The following HSPG2 variants were observed in gnomAD, a reference collection of about 807,000 sequenced individuals.
HSPG2 encodes basement membrane-specific heparan sulfate proteoglycan core protein.
HSPG2 carries 278 observed loss-of-function variants against 526.6 expected under a neutral mutation model. The observed-to-expected ratio is 0.53, with a 90% confidence interval of 0.48 to 0.58. The LOEUF is 0.58. Among genes scored for constraint, HSPG2 ranks in the 20% least tolerant of loss-of-function variants. HSPG2 has a pLI of 0.00. For synonymous variants in HSPG2, 2,465 were observed against 2,555.4 expected (o/e 0.96, Z 1.07); for missense variants, 5,354 against 6,099.5 (o/e 0.88, Z 4.07).
At position 21,835,533 on chromosome 1, in the gene HSPG2, C is replaced by A; in HGVS notation, c.10453+7G>T. 6.2e-7 allele frequency: 1 copy of A among 1,605,878 alleles called. No homozygotes were observed. The highest frequency in any genetic ancestry group is 8.5e-7 in the Non-Finnish European group (1 of 1,172,616). ...CTCTTAGCAGAGGCCTGAAGCCACC[C>A]TCCTACCTTGGATAACCAGCTGGGC... is the stretch of plus-strand genomic sequence containing the variant. On this transcript the variant is annotated splice_region_variant and intron_variant, in intron 76 of 96. Transcript: ENST00000374695.
At position 21,893,957 on chromosome 1, in the gene HSPG2, G is replaced by C. The variant is rs145803186; in HGVS notation, c.244+1965C>G. ...AGAGATGGTGAGCCAGAGAGAGGGAGAAGAACAGGATGAGGCAGAGGGAGG... is the reference window on the plus strand; with the variant it reads ...AGAGATGGTGAGCCAGAGAGAGGGACAAGAACAGGATGAGGCAGAGGGAGG... On this transcript the variant is annotated intron_variant, in intron 3 of 96. Coordinates refer to ENST00000374695, the MANE Select transcript of HSPG2 (RefSeq NM_005529.7). The surrounding 1 kb of genome is among the most constrained non-coding windows in gnomAD (Gnocchi z 4.3). Among the ~76,000 whole-genome samples, 592 of 151,798 alleles carry C rather than the reference G, an allele frequency of 3.9e-3. 8 individuals carry two copies. Among genetic ancestry groups the C allele is most frequent in the African/African-American group, 0.013 (543 of 41,386 alleles).
rs149203308 is a variant in HSPG2, at chr1:21,842,782, G to A, written c.8898C>T (p.Pro2966=). 5.6e-5 allele frequency: 90 copies of A among 1,613,288 alleles called. No homozygotes were observed. The East Asian group carries it at 1.0e-3, about 18-fold the overall frequency. ...CTGGCCCCTGTACCTGGTGCCGGGC[G>A]GGGAGGCTGCCCCCGCGCTTGTACC... The part of the protein sequence containing the change: ...VTWYKRGGSL[P]ARHQTHGSQL... The change falls in exon 67 of 97, where the codon CCC becomes CCT. Residue 2966 remains proline, a synonymous_variant. Transcript: ENST00000374695.
At position 21,847,544 on chromosome 1, in the gene HSPG2, GTCACCAGCTGGC is replaced by G; in HGVS notation, c.8026-64_8026-53del. 6.2e-7 allele frequency: 1 copy of G among 1,611,156 alleles called. No homozygotes were observed. Among genetic ancestry groups the G allele is most frequent in the Non-Finnish European group, 8.5e-7 (1 of 1,178,376 alleles). On this transcript the variant is annotated intron_variant, in intron 61 of 96. Transcript: ENST00000374695. This position sits in a 1 kb window ranked among gnomAD's most constrained non-coding sequence, Gnocchi z 4.1. Reference sequence around the variant, plus strand: ...GGAGAGGGAGTGGAGGGACGCTGGGGTCACCAGCTGGCTCAGGCCTTCCTGCTCAGCCTGTTG... The same window carrying G: ...GGAGAGGGAGTGGAGGGACGCTGGGGTCAGGCCTTCCTGCTCAGCCTGTTG...
chr1:21,890,260 G>T lies in HSPG2; in HGVS notation c.414-119C>A. ...TCCGGGACAGCCTGTACCCAAAGAA[G>T]GGCAACTAAAGGTCCCAATGATCCC... On this transcript the variant is annotated intron_variant, in intron 5 of 96. Transcript: ENST00000374695. This position sits in a 1 kb window ranked among gnomAD's most constrained non-coding sequence, Gnocchi z 4.1. 7.3e-7 allele frequency: 1 copy of T among 1,374,986 alleles called. No homozygotes were observed. The allele number at this position is 1,374,986 out of a possible 1,614,324, so 85.2% of individuals were successfully genotyped here.
intron 3 of HSPG2, among the ~76,000 whole-genome samples, chr1:21,891,154 G>A (rs899498002): frequency 2.0e-5 from 3 of 152,180 alleles, no homozygotes; most frequent in Non-Finnish European, 2.9e-5. Flanking sequence ...GGTAGAGACC[G>A]CTCCCCTGGG....
intron 1 of HSPG2, among the ~76,000 whole-genome samples, chr1:21,935,701 G>C (rs1410809382): frequency 1.3e-5 from 2 of 152,234 alleles, no homozygotes; most frequent in African/African-American, 2.4e-5. Flanking sequence ...GGGCAGAGCT[G>C]GGGGAAGGTC....
At chr1:21,869,241 A>G (rs1640470172) in intron 33 of HSPG2, among the ~76,000 whole-genome samples, 2 of 152,224 alleles carry the variant, frequency 1.3e-5, no homozygotes, top group African/African-American at 4.8e-5. Context: ...TTGTGGACCA[A>G]CGTTTACACA....
rs376645617 is a variant in HSPG2, at chr1:21,823,493, C to A, written c.13004-5G>T. The A allele has an allele frequency of 1.2e-6, 2 of 1,604,494 alleles. No individual in the cohort carries two copies. The highest frequency in any genetic ancestry group is 1.7e-6 in the Non-Finnish European group (2 of 1,178,702). On this transcript the variant is annotated splice_region_variant and splice_polypyrimidine_tract_variant and intron_variant, in intron 96 of 96. Transcript: ENST00000374695. ...TGGCCACGTCAGGGGCTCCGCCTGCCGGGAGGTGAGAGGACAGGGCCTGTG... is the reference window on the plus strand; with the variant it reads ...TGGCCACGTCAGGGGCTCCGCCTGCAGGGAGGTGAGAGGACAGGGCCTGTG...
Position 21,847,666 on chromosome 1 carries a change from G to C in HSPG2, c.8025+23C>G, listed in dbSNP as rs766873852. 4.4e-6 allele frequency: 7 copies of C among 1,601,820 alleles called. No individual in the cohort carries two copies. The highest frequency in any genetic ancestry group is 5.1e-6 in the Non-Finnish European group (6 of 1,174,514). On this transcript the variant is annotated intron_variant, in intron 61 of 96. Coordinates refer to ENST00000374695, the MANE Select transcript of HSPG2 (RefSeq NM_005529.7). This position sits in a 1 kb window ranked among gnomAD's most constrained non-coding sequence, Gnocchi z 4.1. Reference sequence around the variant, plus strand: ...CCCAGGAGACCATGGTTCCACCCCCGCTGCTGTGGCTCCACTCTGTACCTG... The same window carrying C: ...CCCAGGAGACCATGGTTCCACCCCCCCTGCTGTGGCTCCACTCTGTACCTG...
chr1:21,842,450 T>G (rs778921293), intron 67 of HSPG2, 70 bp from the exon 68 acceptor site: 29 of 1,475,378 alleles, frequency 2.0e-5, no homozygotes, highest in Non-Finnish European at 2.6e-5. Flanking sequence ...CAAGCCCAAC[T>G]GTGCCGGTAC....
Position 21,890,554 on chromosome 1 carries a change from C to A in HSPG2, c.354+31G>T, listed in dbSNP as rs752423025. The A allele has an allele frequency of 9.9e-6, 16 of 1,609,442 alleles. No individual in the cohort carries two copies. In the East Asian group the frequency reaches 2.7e-4, roughly 27 times the overall value. On this transcript the variant is annotated intron_variant, in intron 4 of 96. Transcript: ENST00000374695. The surrounding 1 kb of genome is among the most constrained non-coding windows in gnomAD (Gnocchi z 4.1). ...CATCCTCGGTCCTGCCCCGCCACAC[C>A]CGCGAGCTTCCCAAACCCCCTTCAC... is the stretch of plus-strand genomic sequence containing the variant.
chr1:21,933,632 C>T (rs966766805), intron 1 of HSPG2, among the ~76,000 whole-genome samples: 1 of 152,228 alleles, frequency 6.6e-6, no homozygotes, highest in Non-Finnish European at 1.5e-5. Flanking sequence ...AGAGCAGGCC[C>T]GGGCCAAGCC....
At chr1:21,883,928 C>T (rs1641686057) in intron 13 of HSPG2, among the ~76,000 whole-genome samples, 1 of 152,212 alleles carries the variant, frequency 6.6e-6, no homozygotes, top group Admixed American at 6.5e-5. Context: ...ACCAGGGAGG[C>T]CAAGAGACTT....
chr1:21,848,747 G>A lies in HSPG2; in HGVS notation c.7633C>T (p.Leu2545=). The change falls in exon 59 of 97, where the codon CTG becomes TTG. Residue 2545 remains leucine (L), a synonymous_variant. Coordinates refer to ENST00000374695, the MANE Select transcript of HSPG2 (RefSeq NM_005529.7). This position sits in a 1 kb window ranked among gnomAD's most constrained non-coding sequence, Gnocchi z 4.9. The stretch of plus-strand genomic sequence containing the variant: ...AGGTCCAGGGTGTGTCCATTGGCCA[G>A]GGAGGCTGAGGAGGACTCGATGCGG... ...PVRIESSSAS[L]ANGHTLDLNC... is the part of the protein sequence containing the mutation. The A allele has an allele frequency of 6.2e-7, 1 of 1,613,976 alleles. No individual in the cohort carries two copies. The highest frequency in any genetic ancestry group is 1.3e-5 in the African/African-American group (1 of 75,022).
intron 33 of HSPG2, among the ~76,000 whole-genome samples, chr1:21,868,519 G>A (rs1557750541): frequency 6.6e-6 from 1 of 152,174 alleles, no homozygotes; most frequent in African/African-American, 2.4e-5. Flanking sequence ...GCCTGTACAC[G>A]ACGCAGCACA....
rs2152725058 is a variant in HSPG2 at position 21,855,522 on chromosome 1, C to A, written c.5854+1G>T. 6.2e-7 allele frequency: 1 copy of A among 1,609,762 alleles called. No individual in the cohort carries two copies. The highest frequency in any genetic ancestry group is 8.5e-7 in the Non-Finnish European group (1 of 1,178,858). On this transcript the variant is annotated splice_donor_variant, in intron 46 of 96. Coordinates refer to ENST00000374695, the MANE Select transcript of HSPG2 (RefSeq NM_005529.7). LOFTEE classifies it high-confidence loss of function. Reference sequence around the variant, plus strand: ...CCCCCACCCTGAGCCCGGCCTCTCACCATGCACGTGGAGCACAGCCCTGGC... The same window carrying A: ...CCCCCACCCTGAGCCCGGCCTCTCAACATGCACGTGGAGCACAGCCCTGGC...
chr1:21,887,348 C>G lies in HSPG2; in HGVS notation c.959-14G>C. 6.2e-7 allele frequency: 1 copy of G among 1,613,940 alleles called. No homozygotes were observed. The highest frequency in any genetic ancestry group is 8.5e-7 in the Non-Finnish European group (1 of 1,179,928). On this transcript the variant is annotated splice_polypyrimidine_tract_variant and intron_variant, in intron 8 of 96. Coordinates refer to ENST00000374695, the MANE Select transcript of HSPG2 (RefSeq NM_005529.7). The surrounding 1 kb of genome is among the most constrained non-coding windows in gnomAD (Gnocchi z 5.0). ...GTGGCGGGGGGCCTAGGAGACCGGG[C>G]AGGGGTCAGCAGCATCCTCCCGGGC... is the stretch of plus-strand genomic sequence containing the variant.
At chr1:21,905,171 CCACACA>C (rs759299090) in intron 1 of HSPG2, among the ~76,000 whole-genome samples, 5 of 81,814 alleles carry the variant, frequency 6.1e-5, no homozygotes, top group Admixed American at 1.5e-4. Context: ...CACCACCCAC[CCACACA>C]CACACACACA....
chr1:21,923,882 G>A (rs1296384583), intron 1 of HSPG2, among the ~76,000 whole-genome samples: 3 of 152,146 alleles, frequency 2.0e-5, no homozygotes, highest in Non-Finnish European at 2.9e-5. Flanking sequence ...TTTGCTTCTG[G>A]GGAAAATTAA....
Sources: gnomAD v4.1 joint callset for allele counts (sites outside exome capture counted in the v4.1 genomes callset) on GRCh38, gnomAD v4.1.1 for gene constraint, Gnocchi (gnomAD v3.1) non-coding constraint, MANE v1.5 for transcripts, NCBI Gene and HGNC (gene_info 2026-07-23, HGNC 2026-07-21) for gene names.